PHACTR1: variants seen among roughly 807,000 people sequenced by gnomAD.
PHACTR1 encodes RPEL repeat containing 1.
In PHACTR1, 16 loss-of-function variants were observed where a neutral mutation model predicts 69.2. That is an observed-to-expected ratio of 0.23 (90% confidence interval 0.16 to 0.35). PHACTR1 has a LOEUF of 0.35. PHACTR1 is among the 10% of genes least tolerant of loss of function. PHACTR1 has a pLI of 1.00. For missense variants in PHACTR1, 510 were observed against 734.7 expected, an observed-to-expected ratio of 0.69 and a Z score of 3.54; for synonymous variants, 312 against 284.5, an observed-to-expected ratio of 1.10 and a Z score of -0.97.
At chr6:12,739,705 T>C (rs1440962025) in intron 3 of PHACTR1, among the ~76,000 whole-genome samples, 1 of 152,074 alleles carries the variant, frequency 6.6e-6, no homozygotes, top group African/African-American at 2.4e-5. Context: ...GCCCAGCTAA[T>C]GTTTAAATTT....
At chr6:13,261,859 G>A (rs1562085575) in intron 10 of PHACTR1, among the ~76,000 whole-genome samples, 2 of 152,190 alleles carry the variant, frequency 1.3e-5, no homozygotes, top group Non-Finnish European at 2.9e-5. Context: ...GAAAAGAATG[G>A]TAAGGCTATG....
At chr6:13,265,473 A>T (rs1046777829) in intron 10 of PHACTR1, among the ~76,000 whole-genome samples, 1 of 152,150 alleles carries the variant, frequency 6.6e-6, no homozygotes, top group African/African-American at 2.4e-5. Flanking sequence ...AAAATAGAGG[A>T]TTGTCATAAA....
At position 13,122,538 on chromosome 6, in the gene PHACTR1, C is replaced by T. The variant is rs536025473; in HGVS notation, c.416-37666C>T. 1.4e-4 allele frequency among the ~76,000 whole-genome samples: 21 copies of T among 152,284 alleles called. No homozygotes were observed. The South Asian group carries it at 4.2e-3, about 30-fold the overall frequency. The stretch of plus-strand genomic sequence containing the variant: ...TTGGCTTACCCAATACAGGACTTTC[C>T]CGCTAGAATGAGGGCAATTTGTTTG... On this transcript the variant is annotated intron_variant, in intron 5 of 14. Coordinates refer to ENST00000332995, the MANE Select transcript of PHACTR1 (RefSeq NM_030948.6).
chr6:12,919,380 A>G (rs1018603327), intron 4 of PHACTR1, among the ~76,000 whole-genome samples: 9 of 152,118 alleles, frequency 5.9e-5, no homozygotes, highest in African/African-American at 2.2e-4. Flanking sequence ...TGATCGCGTG[A>G]TCTGCCTGCC....
At chr6:13,093,326 T>G (rs557094874) in intron 5 of PHACTR1, among the ~76,000 whole-genome samples, 19 of 152,324 alleles carry the variant, frequency 1.2e-4, no homozygotes, top group South Asian at 1.0e-3. Flanking sequence ...TAAAAATATG[T>G]TAGCATTCAG....
chr6:12,741,703 C>T (rs1392660139), intron 3 of PHACTR1, among the ~76,000 whole-genome samples: 5 of 149,928 alleles, frequency 3.3e-5, no homozygotes, highest in African/African-American at 4.9e-5. Flanking sequence ...TCTTATTTGT[C>T]AAGATTGTGC....
chr6:13,103,281 C>T (rs1450475905), intron 5 of PHACTR1, among the ~76,000 whole-genome samples: 1 of 152,162 alleles, frequency 6.6e-6, no homozygotes, highest in Non-Finnish European at 1.5e-5. Flanking sequence ...GATGACCACT[C>T]TTAAGCATGA....
rs144913343 is a variant in PHACTR1, at chr6:12,996,891, T to A, written c.251-56474T>A. On this transcript the variant is annotated intron_variant, in intron 4 of 14. Coordinates refer to ENST00000332995, the MANE Select transcript of PHACTR1 (RefSeq NM_030948.6). ...TAAAATTTATAAATGTATGGCCGGG[T>A]GCGATGGCTCACCCCTGTAATCCCA... is the stretch of plus-strand genomic sequence containing the variant. Among the ~76,000 whole-genome samples, 1,425 of 152,214 alleles carry A rather than the reference T, an allele frequency of 9.4e-3. 26 individuals are homozygous for A. The highest frequency in any genetic ancestry group is 0.033 in the African/African-American group (1,353 of 41,526).
chr6:13,140,805 G>C (rs538750897), intron 5 of PHACTR1, among the ~76,000 whole-genome samples: 21 of 152,290 alleles, frequency 1.4e-4, no homozygotes, highest in African/African-American at 5.1e-4. Flanking sequence ...CAAAATGTTT[G>C]TAAAAAATGA....
At chr6:12,842,774 G>A (rs1537337) in intron 4 of PHACTR1, among the ~76,000 whole-genome samples, 28,173 of 151,816 alleles carry the variant, frequency 0.19, 2,786 homozygotes, top group African/African-American at 0.25. Context: ...TCAAACTCTT[G>A]GCCTTAAGCA....
At chr6:12,913,791 A>T (rs1026414717) in intron 4 of PHACTR1, among the ~76,000 whole-genome samples, 3 of 152,162 alleles carry the variant, frequency 2.0e-5, no homozygotes, top group Non-Finnish European at 4.4e-5. Context: ...GGTGTTCCTG[A>T]ATAACAAACA....
intron 5 of PHACTR1, among the ~76,000 whole-genome samples, chr6:13,147,566 T>C (rs1213829383): frequency 6.6e-6 from 1 of 152,234 alleles, no homozygotes; most frequent in Admixed American, 6.5e-5. Context: ...AGCAAGTGTT[T>C]GTTAAGAGCA....
chr6:12,815,069 GA>G (rs1775429984), intron 4 of PHACTR1, among the ~76,000 whole-genome samples: 1 of 152,176 alleles, frequency 6.6e-6, no homozygotes, highest in South Asian at 2.1e-4. Context: ...CATGCTCAAA[GA>G]ATCTGTTCTA....
At chr6:12,922,526 A>G (rs1787831771) in intron 4 of PHACTR1, among the ~76,000 whole-genome samples, 1 of 152,186 alleles carries the variant, frequency 6.6e-6, no homozygotes, top group South Asian at 2.1e-4. Context: ...GAGTTTGAAT[A>G]TGCATGGAAC....
intron 5 of PHACTR1, among the ~76,000 whole-genome samples, chr6:13,065,445 A>C (rs952163257): frequency 6.6e-6 from 1 of 151,976 alleles, no homozygotes; most frequent in Admixed American, 6.6e-5. Flanking sequence ...TCTTGACAAG[A>C]TGGTGTCCGG....
At chr6:13,076,025 ATCT>A (rs1194779790) in intron 5 of PHACTR1, among the ~76,000 whole-genome samples, 8 of 115,568 alleles carry the variant, frequency 6.9e-5, no homozygotes, top group East Asian at 3.1e-4. Context: ...GCAAGGGAGC[ATCT>A]TTTTTTTTTT....
intron 5 of PHACTR1, among the ~76,000 whole-genome samples, chr6:13,077,487 C>T (rs925767501): frequency 1.3e-5 from 2 of 152,174 alleles, no homozygotes; most frequent in Non-Finnish European, 2.9e-5. Flanking sequence ...TAAACAAAGG[C>T]ACAGATCAGA....
At chr6:13,088,372 T>C (rs1045121883) in intron 5 of PHACTR1, among the ~76,000 whole-genome samples, 1 of 150,118 alleles carries the variant, frequency 6.7e-6, no homozygotes, top group Non-Finnish European at 1.5e-5. Flanking sequence ...TTTCTGTAGC[T>C]GATTCTCCAT....
intron 4 of PHACTR1, among the ~76,000 whole-genome samples, chr6:12,932,412 A>T (rs1788965239): frequency 6.6e-6 from 1 of 152,212 alleles, no homozygotes. Context: ...CCAAGGATAA[A>T]AATCATTAAG....
Sources: gnomAD v4.1 joint callset for allele counts (sites outside exome capture counted in the v4.1 genomes callset) on GRCh38, gnomAD v4.1.1 for gene constraint, MANE v1.5 for transcripts, NCBI Gene and HGNC (gene_info 2026-07-23, HGNC 2026-07-21) for gene names.